TNFAIP2: variants seen among roughly 807,000 people sequenced by gnomAD.
TNFAIP2 encodes the protein tumor necrosis factor alpha-induced protein 2.
Under a neutral mutation model 63.5 loss-of-function variants are expected in TNFAIP2, and 47 were observed. The ratio of observed to expected loss-of-function variants is 0.74; its 90% CI spans 0.59 to 0.94. TNFAIP2 has a LOEUF of 0.94. Ranked by LOEUF, TNFAIP2 falls within the 40% of genes least tolerant of loss-of-function variation. The probability of loss-of-function intolerance (pLI) is 0.00; values close to 1 mark genes in which losing one functional copy is unlikely to be tolerated. For missense variants in TNFAIP2, 787 were observed against 850.2 expected (o/e 0.93, Z 0.92); for synonymous variants, 405 against 390.2 (o/e 1.04, Z -0.45).
At chr14:103,125,274 C>T (rs2139545757) in intron 1 of TNFAIP2, among the ~76,000 whole-genome samples, 1 of 152,334 alleles carries the variant, frequency 6.6e-6, no homozygotes, top group African/African-American at 2.4e-5. Flanking sequence ...CCATGCTCTT[C>T]TCCAGTGGAC....
At chr14:103,128,430 C>T (rs1164302799) in intron 3 of TNFAIP2, among the ~76,000 whole-genome samples, 1 of 152,208 alleles carries the variant, frequency 6.6e-6, no homozygotes, top group Non-Finnish European at 1.5e-5. Flanking sequence ...GCGTGCCCGT[C>T]ATTCGCACGG....
Position 103,131,732 on chromosome 14 carries a change from C to G in TNFAIP2, c.1392C>G (p.Thr464=), listed in dbSNP as rs765608185. ...AGCTCAAGAGCCACGGCTTTGACAC[C>G]CTGCTCCAGAACCTGCATGAGGACC... ...LGELKSHGFD[T]LLQNLHEDLK... The change falls in exon 8 of 12, where the codon ACC becomes ACG. Residue 464 remains threonine (T), a synonymous_variant. Transcript: ENST00000560869. The surrounding 1 kb of genome is among the most constrained non-coding windows in gnomAD (Gnocchi z 4.0). 2.5e-6 allele frequency: 4 copies of G among 1,612,246 alleles called. No homozygotes were observed. The highest frequency in any genetic ancestry group is 4.5e-5 in the East Asian group (2 of 44,870).
chr14:103,127,062 TG>T lies in TNFAIP2; in HGVS notation c.295del (p.Ala99ArgfsTer15). 1 of 1,138,222 alleles carries T rather than the reference TG, an allele frequency of 8.8e-7. No individual in the cohort carries two copies. The highest frequency in any genetic ancestry group is 3.3e-5 in the South Asian group (1 of 30,090). 70.5% of individuals were successfully genotyped at this position (1,138,222 alleles called of 1,614,324 possible). ...CAGCTGGAGGCGGCGCGGCCGCTGCTGGCGCTGGAGCGGGAGCTGGCGGCGG... is the reference window on the plus strand; with the variant it reads ...CAGCTGGAGGCGGCGCGGCCGCTGCTGCGCTGGAGCGGGAGCTGGCGGCGG... ...RGQLEAARPLLALERELAAAA... is the reference protein window; with the variant it reads ...RGQLEAARPLXALERELAAAA... On this transcript the variant is annotated frameshift_variant, in exon 3 of 12. Coordinates refer to ENST00000560869, the MANE Select transcript of TNFAIP2 (RefSeq NM_006291.4). LOFTEE classifies it high-confidence loss of function. The surrounding 1 kb of genome is among the most constrained non-coding windows in gnomAD (Gnocchi z 5.1).
At position 103,130,278 on chromosome 14, in the gene TNFAIP2, C is replaced by A. The variant is rs113283678; in HGVS notation, c.1099-37C>A. 3.3e-6 allele frequency: 5 copies of A among 1,537,010 alleles called. No homozygotes were observed. In the African/African-American group the frequency reaches 4.1e-5, roughly 13 times the overall value. The stretch of plus-strand genomic sequence containing the variant: ...CCCGTCCCCTGCCCCCTTGTCCAGG[C>A]GAGCCCCTGCTCAGCTCACCCACCA... On this transcript the variant is annotated intron_variant, in intron 5 of 11. Coordinates refer to ENST00000560869, the MANE Select transcript of TNFAIP2 (RefSeq NM_006291.4).
Position 103,133,673 on chromosome 14 carries a change from C to T in TNFAIP2, c.1702-9C>T. 5 of 1,559,718 alleles carry T rather than the reference C, an allele frequency of 3.2e-6. No homozygotes were observed. The highest frequency in any genetic ancestry group is 4.3e-6 in the Non-Finnish European group (5 of 1,156,250). On this transcript the variant is annotated splice_polypyrimidine_tract_variant and intron_variant, in intron 10 of 11. Coordinates refer to ENST00000560869, the MANE Select transcript of TNFAIP2 (RefSeq NM_006291.4). ...CCCTGGGTCCCTCCAACCACACCCA[C>T]TCCTGCAGGGCTCCCCGGCGACCTG...
rs935392151 is a variant in TNFAIP2 at position 103,131,499 on chromosome 14, A to G, written c.1299-140A>G. On this transcript the variant is annotated intron_variant, in intron 7 of 11. Coordinates refer to ENST00000560869, the MANE Select transcript of TNFAIP2 (RefSeq NM_006291.4). The surrounding 1 kb of genome is among the most constrained non-coding windows in gnomAD (Gnocchi z 4.0). ...GGAGTGTCCTGAGGGCATGGAGAAC[A>G]TGGATGGGAGGACTTGATCCCATAG... 20 of 1,232,042 alleles carry G rather than the reference A, an allele frequency of 1.6e-5. No individual in the cohort carries two copies. In the African/African-American group the frequency reaches 2.3e-4, roughly 14 times the overall value. 76.3% of individuals were successfully genotyped at this position (1,232,042 alleles called of 1,614,324 possible).
upstream of TNFAIP2, chr14:103,123,362 G>T (rs1201115599): frequency 6.6e-6 from 1 of 152,256 alleles, no homozygotes; most frequent in Non-Finnish European, 1.5e-5. Context: ...GCCTCCGCCC[G>T]CGGGTTTTCC....
upstream of TNFAIP2, chr14:103,122,752 T>TCCAGCC (rs771184816): frequency 1.5e-5 from 7 of 455,488 alleles, no homozygotes; most frequent in Non-Finnish European, 2.6e-5. Flanking sequence ...AGCCTGTGGG[T>TCCAGCC]CCAGCCCCAG....
upstream of TNFAIP2, among the ~76,000 whole-genome samples, chr14:103,121,635 G>A (rs1891105009): frequency 6.6e-6 from 1 of 152,234 alleles, no homozygotes; most frequent in South Asian, 2.1e-4. Context: ...TGAGCTTAGA[G>A]AGGGGAAGTG....
Position 103,135,830 on chromosome 14 carries a change from A to T in TNFAIP2, c.*470A>T. 1 of 1,292,494 alleles carries T rather than the reference A, an allele frequency of 7.7e-7. No homozygotes were observed. The highest frequency in any genetic ancestry group is 1.0e-6 in the Non-Finnish European group (1 of 990,968). The allele number at this position is 1,292,494 out of a possible 1,614,324, so 80.1% of individuals were successfully genotyped here. ...GCAGCCCAGGGCCGCCGTGAGCGGGATTCAGCAATGGTGGAATGGAAGACA... is the reference window on the plus strand; with the variant it reads ...GCAGCCCAGGGCCGCCGTGAGCGGGTTTCAGCAATGGTGGAATGGAAGACA... On this transcript the variant is annotated 3_prime_UTR_variant, in exon 12 of 12. Coordinates refer to ENST00000560869, the MANE Select transcript of TNFAIP2 (RefSeq NM_006291.4). The surrounding 1 kb of genome is among the most constrained non-coding windows in gnomAD (Gnocchi z 7.6).
chr14:103,123,211 A>C (rs1184691021), upstream of TNFAIP2, among the ~76,000 whole-genome samples: 1 of 150,780 alleles, frequency 6.6e-6, no homozygotes, highest in Non-Finnish European at 1.5e-5. Flanking sequence ...CGAACTCCAC[A>C]TACCATGCGA....
At chr14:103,129,060 G>A (rs2087917248) in intron 3 of TNFAIP2, among the ~76,000 whole-genome samples, 1 of 152,240 alleles carries the variant, frequency 6.6e-6, no homozygotes, top group African/African-American at 2.4e-5. Context: ...AAGTGCCAGG[G>A]CTGGGCAGTC....
At chr14:103,132,364 G>A (rs978578637) in intron 8 of TNFAIP2, among the ~76,000 whole-genome samples, 6 of 152,192 alleles carry the variant, frequency 3.9e-5, no homozygotes, top group Non-Finnish European at 5.9e-5. Context: ...GCCATGGGTG[G>A]CCTGAGTGTG....
chr14:103,131,907 T>G lies in TNFAIP2; in HGVS notation c.1422+145T>G. 21 of 1,223,740 alleles carry G rather than the reference T, an allele frequency of 1.7e-5. No homozygotes were observed. The highest frequency in any genetic ancestry group is 2.7e-5 in the East Asian group (1 of 37,268). The allele number at this position is 1,223,740 out of a possible 1,614,324, so 75.8% of individuals were successfully genotyped here. A position where few individuals can be genotyped will look rare whatever the true frequency, so the allele number is the denominator to read the frequency against. ...TGTGGACGGCACCGTGGGCCAGCTC[T>G]GGTGCAGCGGTGATGCCCGGTTGGG... On this transcript the variant is annotated intron_variant, in intron 8 of 11. Transcript: ENST00000560869. The surrounding 1 kb of genome is among the most constrained non-coding windows in gnomAD (Gnocchi z 4.0).
At chr14:103,133,572 C>T in intron 10 of TNFAIP2, 55 bp downstream of exon 10, 1 of 1,596,518 alleles carries the variant, frequency 6.3e-7, no homozygotes, top group Non-Finnish European at 8.6e-7. Context: ...CTCTTCTCCC[C>T]TAGCCCTTTC....
Position 103,126,668 on chromosome 14 carries a change from G to C in TNFAIP2, c.211G>C (p.Gly71Arg), listed in dbSNP as rs901886103. 6.4e-6 allele frequency: 10 copies of C among 1,557,184 alleles called. No homozygotes were observed. The highest frequency in any genetic ancestry group is 8.7e-6 in the Non-Finnish European group (10 of 1,150,212). ...EPEDAAGSRQ[G>R]LDGPPPTVEE... ...CGAGGACGCAGCCGGGTCCAGGCAGGGGCTGGATGGCCCGCCCCCCACAGG... is the reference window on the plus strand; with the variant it reads ...CGAGGACGCAGCCGGGTCCAGGCAGCGGCTGGATGGCCCGCCCCCCACAGG... Residue 71 changes from glycine (G) to arginine (R), a missense_variant, in exon 2 of 12, where the codon GGG (glycine) becomes CGG (arginine). Physicochemically the swap from Gly to Arg is moderately radical, Grantham distance 125. Coordinates refer to ENST00000560869, the MANE Select transcript of TNFAIP2 (RefSeq NM_006291.4).
At chr14:103,130,848 G>A (rs1424534265) in intron 6 of TNFAIP2, among the ~76,000 whole-genome samples, 1 of 152,212 alleles carries the variant, frequency 6.6e-6, no homozygotes, top group Admixed American at 6.5e-5. Context: ...GAGCAGCAGA[G>A]ATGGGCTGGT....
At chr14:103,130,286 T>C in intron 5 of TNFAIP2, 29 bp from the exon 6 acceptor site, 2 of 1,542,220 alleles carry the variant, frequency 1.3e-6, no homozygotes, top group Non-Finnish European at 1.8e-6. Flanking sequence ...GGCGAGCCCC[T>C]GCTCAGCTCA....
chr14:103,127,198 G>C lies in TNFAIP2; in HGVS notation c.429G>C (p.Pro143=). 8.9e-7 allele frequency: 1 copy of C among 1,121,504 alleles called. No individual in the cohort carries two copies. 69.5% of individuals were successfully genotyped at this position (1,121,504 alleles called of 1,614,324 possible). Residue 143 remains proline, a synonymous_variant, in exon 3 of 12, where the codon CCG becomes CCC. Coordinates refer to ENST00000560869, the MANE Select transcript of TNFAIP2 (RefSeq NM_006291.4). This position sits in a 1 kb window ranked among gnomAD's most constrained non-coding sequence, Gnocchi z 5.1. ...RDQVLGVLRR[P]LEAPPERLRQ... is the part of the protein sequence containing the mutation. ...AGGTGCTGGGCGTGCTGCGGCGGCCGCTGGAGGCGCCGCCCGAGCGGCTGC... is the reference window on the plus strand; with the variant it reads ...AGGTGCTGGGCGTGCTGCGGCGGCCCCTGGAGGCGCCGCCCGAGCGGCTGC...
Sources: gnomAD v4.1 joint callset for allele counts (sites outside exome capture counted in the v4.1 genomes callset) on GRCh38, gnomAD v4.1.1 for gene constraint, Gnocchi (gnomAD v3.1) non-coding constraint, MANE v1.5 for transcripts, NCBI Gene and HGNC (gene_info 2026-07-23, HGNC 2026-07-21) for gene names.